Variants in DIP2A observed in about 807,000 individuals in gnomAD.
The protein encoded by DIP2A is DIP2 acetate--CoA ligase A.
DIP2A carries 85 observed loss-of-function variants against 177.4 expected under a neutral mutation model. That is an observed-to-expected ratio of 0.48 (90% CI 0.40 to 0.57). The LOEUF is 0.57. Ranked by LOEUF, DIP2A falls within the 20% of genes least tolerant of loss-of-function variation. The pLI, the probability that DIP2A is intolerant of heterozygous loss-of-function variation, is 0.00. For missense variants in DIP2A, 1,791 were observed against 2,100.2 expected (o/e 0.85, Z 2.88); for synonymous variants, 886 against 881.8 (o/e 1.00, Z -0.08).
intron 8 of DIP2A, among the ~76,000 whole-genome samples, chr21:46,513,753 T>C (rs932196610): frequency 6.6e-6 from 1 of 152,150 alleles, no homozygotes; most frequent in African/African-American, 2.4e-5. Flanking sequence ...GACATGATGC[T>C]CAAAGAAAAT....
At chr21:46,506,777 CT>C (rs2058029899) in intron 6 of DIP2A, among the ~76,000 whole-genome samples, 2 of 55,342 alleles carry the variant, frequency 3.6e-5, no homozygotes, top group Admixed American at 2.1e-4. Flanking sequence ...TCTTTCTTTT[CT>C]TTTCTTTCTT....
intron 21 of DIP2A, 83 bp downstream of exon 21, chr21:46,547,125 C>T (rs1011670635): frequency 1.8e-5 from 27 of 1,539,760 alleles, no homozygotes; most frequent in Non-Finnish European, 2.4e-5. Context: ...ATGGAAAGCC[C>T]AGCAAACTTG....
intron 17 of DIP2A, 78 bp downstream of exon 17, chr21:46,540,069 C>T (rs1197576020): frequency 1.6e-6 from 2 of 1,251,418 alleles, no homozygotes; most frequent in East Asian, 4.7e-5. Context: ...TGGAGCTGTG[C>T]CTGTGCCTGT....
At chr21:46,553,301 A>G (rs1445230071) in intron 25 of DIP2A, 1 of 152,254 alleles carries the variant, frequency 6.6e-6, no homozygotes, top group Non-Finnish European at 1.5e-5. Flanking sequence ...GAAGCCACCA[A>G]TCGAGAAACA....
Position 46,557,196 on chromosome 21 carries a change from T to G in DIP2A, c.3629+127T>G. On this transcript the variant is annotated intron_variant, in intron 30 of 37. Transcript: ENST00000417564. The surrounding 1 kb of genome is among the most constrained non-coding windows in gnomAD (Gnocchi z 6.0). ...ATGAGATGTGTGTGAGTGGGTTTGT[T>G]TGGGGATGAAGTGGGTTGGAGTCTG... 1 of 1,147,798 alleles carries G rather than the reference T, an allele frequency of 8.7e-7. No homozygotes were observed. The allele number at this position is 1,147,798 out of a possible 1,614,324, so 71.1% of individuals were successfully genotyped here.
At chr21:46,580,413 G>A in the DIP2A span, among the ~76,000 whole-genome samples, 2 of 152,262 alleles carry the variant, frequency 1.3e-5, no homozygotes, top group Non-Finnish European at 2.9e-5. Flanking sequence ...GCCATTCTGT[G>A]TCTTTTAATT....
At chr21:46,547,181 G>A in intron 21 of DIP2A, 139 bp downstream of exon 21, 5 of 1,432,428 alleles carry the variant, frequency 3.5e-6, no homozygotes, top group Non-Finnish European at 4.6e-6. Flanking sequence ...AACTCCTAAA[G>A]TAAAAGGAAA....
intron 3 of DIP2A, among the ~76,000 whole-genome samples, chr21:46,493,810 C>G (rs2057156996): frequency 6.6e-6 from 1 of 152,124 alleles, no homozygotes; most frequent in Non-Finnish European, 1.5e-5. Flanking sequence ...TGTTTTCAGA[C>G]ATTTGTTGGG....
chr21:46,579,090 G>GT, the DIP2A span, among the ~76,000 whole-genome samples: 6 of 151,862 alleles, frequency 4.0e-5, no homozygotes, highest in East Asian at 1.9e-4. Flanking sequence ...CTGGTCCTGG[G>GT]TTTTTTTTGG....
chr21:46,470,494 C>A (rs897449831), intron 1 of DIP2A, among the ~76,000 whole-genome samples: 1 of 150,592 alleles, frequency 6.6e-6, no homozygotes, highest in Non-Finnish European at 1.5e-5. Flanking sequence ...AAGGGGGGGC[C>A]AGGCACGGTA....
chr21:46,459,123 G>A lies in DIP2A; in HGVS notation c.-9G>A, dbSNP rs1466685144. The A allele has an allele frequency of 6.7e-7, 1 of 1,491,594 alleles. No individual in the cohort carries two copies. Among genetic ancestry groups the A allele is most frequent in the Admixed American group, 2.3e-5 (1 of 43,636 alleles). 92.4% of individuals were successfully genotyped at this position (1,491,594 alleles called of 1,614,324 possible). ...TCCAGCCTCTGCCCGGACGCTAGCC[G>A]GCCTGGCCATGGCTGACCGCGGGTG... On this transcript the variant is annotated 5_prime_UTR_variant, in exon 1 of 38. Transcript: ENST00000417564.
chr21:46,488,399 C>G (rs796407456), intron 2 of DIP2A, among the ~76,000 whole-genome samples: 31 of 152,226 alleles, frequency 2.0e-4, no homozygotes, highest in African/African-American at 7.2e-4. Flanking sequence ...GATAGGCTCC[C>G]TAGAAATGAG....
At chr21:46,536,916 A>G (rs944621077) in intron 13 of DIP2A, among the ~76,000 whole-genome samples, 4 of 152,104 alleles carry the variant, frequency 2.6e-5, no homozygotes, top group East Asian at 1.9e-4. Context: ...AAAAAAAAAA[A>G]AAGAAGAAAA....
chr21:46,546,541 C>T (rs2060048661), intron 20 of DIP2A, among the ~76,000 whole-genome samples: 1 of 152,234 alleles, frequency 6.6e-6, no homozygotes, highest in Admixed American at 6.5e-5. Context: ...TTTGGGACCC[C>T]TGCCCTTAGC....
At chr21:46,579,161 C>T in the DIP2A span, among the ~76,000 whole-genome samples, 2 of 152,098 alleles carry the variant, frequency 1.3e-5, no homozygotes, top group African/African-American at 4.8e-5. Flanking sequence ...TTCAGAGATT[C>T]AACTTCTTTG....
intron 1 of DIP2A, among the ~76,000 whole-genome samples, chr21:46,470,426 A>T (rs2055250198): frequency 6.7e-6 from 1 of 149,326 alleles, no homozygotes; most frequent in Admixed American, 6.7e-5. Flanking sequence ...GTGAGCCGAG[A>T]TCGTGCCATT....
rs1257700266 is a variant in DIP2A, at chr21:46,459,218, G to C, written c.87G>C (p.Ser29=). ...ESLAELELEL[S]EGDITQKGYE... is the part of the protein sequence containing the mutation. Reference sequence around the variant, plus strand: ...TGGCTGAGCTGGAGCTGGAGCTGTCGGAAGGTGAGCCGGACCCCGCCCTCA... The same window carrying C: ...TGGCTGAGCTGGAGCTGGAGCTGTCCGAAGGTGAGCCGGACCCCGCCCTCA... Residue 29 remains serine, a synonymous_variant, in exon 1 of 38, where the codon TCG becomes TCC. Transcript: ENST00000417564. 5.3e-6 allele frequency: 8 copies of C among 1,523,720 alleles called. No individual in the cohort carries two copies. The East Asian group carries it at 1.4e-4, about 26-fold the overall frequency. 94.4% of individuals were successfully genotyped at this position (1,523,720 alleles called of 1,614,324 possible).
chr21:46,526,330 G>A (rs2059087568), intron 8 of DIP2A, among the ~76,000 whole-genome samples: 1 of 151,396 alleles, frequency 6.6e-6, no homozygotes, highest in Non-Finnish European at 1.5e-5. Context: ...TCTTGTGACA[G>A]TCTCAAGTAC....
At chr21:46,466,593 G>A (rs79122615) in intron 1 of DIP2A, among the ~76,000 whole-genome samples, 1 of 151,716 alleles carries the variant, frequency 6.6e-6, no homozygotes, top group Admixed American at 6.6e-5. Flanking sequence ...TGATCCGCCC[G>A]CATTGATCTC....
Sources: allele counts gnomAD v4.1 joint callset (sites outside exome capture counted in the v4.1 genomes callset), GRCh38; gene constraint gnomAD v4.1.1; non-coding constraint Gnocchi (gnomAD v3.1); transcripts MANE v1.5; gene names NCBI Gene and HGNC (gene_info 2026-07-23, HGNC 2026-07-21).